Variants in ST6GALNAC3 observed in about 807,000 individuals in gnomAD.
ST6GALNAC3 encodes ST6 N-acetylgalactosaminide alpha-2,6-sialyltransferase 3.
In ST6GALNAC3, 25 loss-of-function variants were observed where a neutral mutation model predicts 32.7. That is an observed-to-expected ratio of 0.76 (90% CI 0.56 to 1.07). The LOEUF is 1.07. Among genes scored for constraint, ST6GALNAC3 ranks in the 50% least tolerant of loss-of-function variants. The probability of loss-of-function intolerance (pLI) is 0.00; values close to 1 mark genes in which losing one functional copy is unlikely to be tolerated. For synonymous variants in ST6GALNAC3, 129 were observed against 133.1 expected (o/e 0.97, Z 0.21); for missense variants, 355 against 382.4 (o/e 0.93, Z 0.60).
In ST6GALNAC3 at chr1:76,146,187, T is replaced by A. The variant is rs139983062; in HGVS notation, c.18+71303T>A. ...CCCAGACTGATTAAACAAGGCTTAA[T>A]TCTAAACAACACTTTCTCCTTTTCT... On this transcript the variant is annotated intron_variant, in intron 1 of 4. Transcript: ENST00000328299. Among the ~76,000 whole-genome samples the A allele has an allele frequency of 3.7e-4, 57 of 152,324 alleles. No individual in the cohort carries two copies. The East Asian group carries it at 0.011, about 28-fold the overall frequency.
At chr1:76,227,173 A>C (rs954960999) in intron 1 of ST6GALNAC3, among the ~76,000 whole-genome samples, 8 of 152,260 alleles carry the variant, frequency 5.3e-5, no homozygotes, top group African/African-American at 1.7e-4. Flanking sequence ...TGTACCCTGG[A>C]ATTCCCTTCT....
At chr1:76,186,547 G>T (rs1653568582) in intron 1 of ST6GALNAC3, among the ~76,000 whole-genome samples, 2 of 152,150 alleles carry the variant, frequency 1.3e-5, no homozygotes, top group African/African-American at 4.8e-5. Flanking sequence ...GAGAGCTAGG[G>T]AGTAGTAGAC....
intron 1 of ST6GALNAC3, among the ~76,000 whole-genome samples, chr1:76,113,357 A>AG (rs1333314231): frequency 1.2e-4 from 1 of 8,042 alleles, no homozygotes; most frequent in African/African-American, 3.7e-4. Context: ...GGGGAGGGGG[A>AG]GGGGGAGGGG....
At chr1:76,190,539 A>T (rs1048308774) in intron 1 of ST6GALNAC3, among the ~76,000 whole-genome samples, 3 of 152,238 alleles carry the variant, frequency 2.0e-5, no homozygotes, top group Non-Finnish European at 4.4e-5. Context: ...TTTCTCACAA[A>T]TTTCAGAATT....
At chr1:76,467,292 A>G (rs1356264248) in intron 3 of ST6GALNAC3, among the ~76,000 whole-genome samples, 4 of 151,858 alleles carry the variant, frequency 2.6e-5, no homozygotes, top group Non-Finnish European at 5.9e-5. Context: ...GAACCGTGAA[A>G]TGTCCTGATA....
intron 3 of ST6GALNAC3, among the ~76,000 whole-genome samples, chr1:76,479,176 A>C (rs1420439243): frequency 6.6e-6 from 1 of 152,172 alleles, no homozygotes; most frequent in Non-Finnish European, 1.5e-5. Flanking sequence ...GGCTATTTTG[A>C]ACTACATGTA....
chr1:76,565,578 G>C (rs950563256), intron 3 of ST6GALNAC3, among the ~76,000 whole-genome samples: 1 of 152,178 alleles, frequency 6.6e-6, no homozygotes, highest in African/African-American at 2.4e-5. Context: ...GGAAGAAAAG[G>C]TGTCCTTCCT....
At chr1:76,590,643 A>G (rs992338887) in intron 3 of ST6GALNAC3, among the ~76,000 whole-genome samples, 4 of 152,222 alleles carry the variant, frequency 2.6e-5, no homozygotes, top group Non-Finnish European at 5.9e-5. Context: ...TTTCTTAGGC[A>G]TTCAATGTGA....
intron 3 of ST6GALNAC3, among the ~76,000 whole-genome samples, chr1:76,613,615 G>T (rs1648084474): frequency 1.3e-5 from 2 of 152,208 alleles, no homozygotes; most frequent in Non-Finnish European, 2.9e-5. Context: ...ACCGGATCAT[G>T]GGGACAGACA....
intron 3 of ST6GALNAC3, among the ~76,000 whole-genome samples, chr1:76,432,818 A>C (rs1373035246): frequency 6.6e-6 from 1 of 152,166 alleles, no homozygotes; most frequent in Non-Finnish European, 1.5e-5. Context: ...GATATTAGAT[A>C]CAACTTGAAG....
At chr1:76,114,081 G>C (rs1240515067) in intron 1 of ST6GALNAC3, among the ~76,000 whole-genome samples, 1 of 150,122 alleles carries the variant, frequency 6.7e-6, no homozygotes, top group Non-Finnish European at 1.5e-5. Flanking sequence ...GACTTCAGGT[G>C]ATCCACCCGC....
intron 1 of ST6GALNAC3, among the ~76,000 whole-genome samples, chr1:76,105,278 A>G (rs1647443569): frequency 6.6e-6 from 1 of 152,304 alleles, no homozygotes; most frequent in South Asian, 2.1e-4. Flanking sequence ...CAATATCTCA[A>G]CTCACAGCCA....
chr1:76,274,793 T>C (rs1659042054), intron 1 of ST6GALNAC3, among the ~76,000 whole-genome samples: 1 of 152,218 alleles, frequency 6.6e-6, no homozygotes, highest in South Asian at 2.1e-4. Flanking sequence ...GACAAACTTA[T>C]GTGATTTAAC....
At chr1:76,497,712 A>C (rs1660939035) in intron 3 of ST6GALNAC3, among the ~76,000 whole-genome samples, 1 of 152,140 alleles carries the variant, frequency 6.6e-6, no homozygotes, top group South Asian at 2.1e-4. Context: ...CATTTTGGAG[A>C]GGAGGCAGCT....
chr1:76,160,094 T>C (rs1488327132), intron 1 of ST6GALNAC3, among the ~76,000 whole-genome samples: 1 of 151,838 alleles, frequency 6.6e-6, no homozygotes, highest in Non-Finnish European at 1.5e-5. Context: ...CAAGGATGAG[T>C]AGGAATTTAT....
intron 3 of ST6GALNAC3, among the ~76,000 whole-genome samples, chr1:76,582,471 T>C (rs955554246): frequency 1.3e-5 from 2 of 152,130 alleles, no homozygotes; most frequent in African/African-American, 4.8e-5. Flanking sequence ...TTAAAGCAAT[T>C]ACAATCCCAT....
intron 1 of ST6GALNAC3, among the ~76,000 whole-genome samples, chr1:76,282,866 TA>T (rs35306096): frequency 1.5e-3 from 204 of 139,224 alleles, no homozygotes; most frequent in Admixed American, 3.0e-3. Flanking sequence ...CCATCTCTAC[TA>T]AAAAAAAAAA....
chr1:76,462,264 T>G (rs1013554167), intron 3 of ST6GALNAC3, among the ~76,000 whole-genome samples: 1 of 152,090 alleles, frequency 6.6e-6, no homozygotes, highest in Admixed American at 6.6e-5. Flanking sequence ...CATACGTGAA[T>G]TAATAGGTTG....
chr1:76,301,899 A>G (rs1034082710), intron 1 of ST6GALNAC3, among the ~76,000 whole-genome samples: 3 of 151,724 alleles, frequency 2.0e-5, no homozygotes, highest in Non-Finnish European at 2.9e-5. Context: ...GGTATTTTGC[A>G]TTGGTAAATT....
Sources: allele counts gnomAD v4.1 joint callset (sites outside exome capture counted in the v4.1 genomes callset), GRCh38; gene constraint gnomAD v4.1.1; transcripts MANE v1.5; gene names NCBI Gene and HGNC (gene_info 2026-07-23, HGNC 2026-07-21).